Variants in FGF1 observed in about 807,000 individuals in gnomAD.
FGF1 encodes the protein beta-endothelial cell growth factor.
A neutral mutation model predicts 13.4 loss-of-function variants in FGF1; 9 were observed. That is an observed-to-expected ratio of 0.67 (90% CI 0.40 to 1.17). The LOEUF is 1.17. Among genes scored for constraint, FGF1 ranks in the 50% most tolerant of loss-of-function variants. The pLI, the probability that FGF1 is intolerant of heterozygous loss-of-function variation, is 0.01. For missense variants in FGF1, 156 were observed against 192.7 expected, an observed-to-expected ratio of 0.81 and a Z score of 1.13; for synonymous variants, 93 against 79.0, an observed-to-expected ratio of 1.18 and a Z score of -0.94.
intron 2 of FGF1, among the ~76,000 whole-genome samples, chr5:142,691,312 C>A (rs563198582): frequency 2.6e-5 from 4 of 151,994 alleles, no homozygotes; most frequent in African/African-American, 9.7e-5. Context: ...ACCCCAGCTA[C>A]TCAGGAGGCT....
intron 1 of FGF1, among the ~76,000 whole-genome samples, chr5:142,640,879 C>T (rs1460639248): frequency 6.6e-6 from 1 of 151,950 alleles, no homozygotes; most frequent in Non-Finnish European, 1.5e-5. Context: ...TTCAACTCCT[C>T]GAAGGCAGGG....
intron 1 of FGF1, among the ~76,000 whole-genome samples, chr5:142,620,684 GCAAA>G (rs1761399970): frequency 6.6e-6 from 1 of 152,138 alleles, no homozygotes; most frequent in South Asian, 2.1e-4. Context: ...AAATGATAGA[GCAAA>G]CAGACACCAA....
intron 1 of FGF1, among the ~76,000 whole-genome samples, chr5:142,637,821 A>G (rs1006395697): frequency 2.0e-5 from 3 of 152,012 alleles, no homozygotes; most frequent in Admixed American, 2.0e-4. Flanking sequence ...ACTGTAGTTT[A>G]TAACATCTAC....
At chr5:142,630,856 C>T (rs1763262932) in intron 1 of FGF1, among the ~76,000 whole-genome samples, 1 of 152,244 alleles carries the variant, frequency 6.6e-6, no homozygotes, top group Non-Finnish European at 1.5e-5. Context: ...TTCTCTTTTG[C>T]AGCCTCTTGT....
At position 142,604,731 on chromosome 5, in the gene FGF1, TG is replaced by T. The variant is rs376288589; in HGVS notation, c.170-3927del. Among the ~76,000 whole-genome samples the T allele has an allele frequency of 3.2e-3, 487 of 152,298 alleles. 3 individuals are homozygous for T. The highest frequency in any genetic ancestry group is 0.011 in the African/African-American group (445 of 41,548). On this transcript the variant is annotated intron_variant, in intron 2 of 3. Transcript: ENST00000337706. Reference sequence around the variant, plus strand: ...GAAGAGCTGAAGTTTGGTGAGAGTGTGTTTTATGCAATGTTATACTTCTAAG... The same window carrying T: ...GAAGAGCTGAAGTTTGGTGAGAGTGTTTTTATGCAATGTTATACTTCTAAG...
intron 2 of FGF1, among the ~76,000 whole-genome samples, chr5:142,604,385 G>C (rs1379791276): frequency 6.6e-6 from 1 of 152,126 alleles, no homozygotes; most frequent in Non-Finnish European, 1.5e-5. Flanking sequence ...AGAGATCAAA[G>C]GAAGGGGCTA....
upstream of FGF1, among the ~76,000 whole-genome samples, chr5:142,689,488 G>A (rs756889615): frequency 1.2e-4 from 19 of 152,118 alleles, no homozygotes; most frequent in Non-Finnish European, 5.9e-5. Context: ...GACAGAAGCT[G>A]AGTCCAATGA....
chr5:142,642,717 C>A (rs1207222975), intron 1 of FGF1, among the ~76,000 whole-genome samples: 1 of 152,208 alleles, frequency 6.6e-6, no homozygotes, highest in Non-Finnish European at 1.5e-5. Context: ...TGCTGCACAC[C>A]TGCCTGAGAG....
intron 1 of FGF1, among the ~76,000 whole-genome samples, chr5:142,662,235 T>C (rs1356138804): frequency 6.6e-6 from 1 of 152,206 alleles, no homozygotes; most frequent in Non-Finnish European, 1.5e-5. Context: ...CATTGAACTA[T>C]ACACTTTGAA....
At chr5:142,633,149 G>A in intron 1 of FGF1, among the ~76,000 whole-genome samples, 1 of 152,006 alleles carries the variant, frequency 6.6e-6, no homozygotes, top group East Asian at 1.9e-4. Flanking sequence ...TCAATCTCTT[G>A]ACCTCGTGAT....
At chr5:142,659,382 C>T (rs934762989) in intron 1 of FGF1, among the ~76,000 whole-genome samples, 29 of 152,160 alleles carry the variant, frequency 1.9e-4, no homozygotes, top group African/African-American at 6.7e-4. Flanking sequence ...GCACCCACCA[C>T]CACACCCAGC....
intron 1 of FGF1, among the ~76,000 whole-genome samples, chr5:142,632,673 T>C (rs762357986): frequency 2.0e-5 from 3 of 152,244 alleles, no homozygotes; most frequent in African/African-American, 7.2e-5. Flanking sequence ...GAATCATATA[T>C]AGTGAACTGT....
intron 1 of FGF1, among the ~76,000 whole-genome samples, chr5:142,655,735 C>T (rs1207702396): frequency 6.6e-6 from 1 of 152,180 alleles, no homozygotes; most frequent in East Asian, 1.9e-4. Flanking sequence ...GTTTCAGTGG[C>T]CACAGCAGAA....
At chr5:142,649,449 C>T (rs1423564851) in intron 1 of FGF1, among the ~76,000 whole-genome samples, 1 of 152,088 alleles carries the variant, frequency 6.6e-6, no homozygotes, top group Non-Finnish European at 1.5e-5. Flanking sequence ...CTTTGTCGCC[C>T]AGGCTGGAGT....
At chr5:142,632,842 A>G (rs888160115) in intron 1 of FGF1, among the ~76,000 whole-genome samples, 14 of 152,032 alleles carry the variant, frequency 9.2e-5, no homozygotes, top group African/African-American at 2.9e-4. Context: ...AATGGTTGTA[A>G]TGGTTGCACA....
At chr5:142,621,941 T>A (rs1387824427) in intron 1 of FGF1, among the ~76,000 whole-genome samples, 1 of 152,276 alleles carries the variant, frequency 6.6e-6, no homozygotes. Flanking sequence ...AAGCCTTTCC[T>A]GTCTTCCCTG....
At chr5:142,631,779 CTTTTTT>C (rs34929420) in intron 1 of FGF1, among the ~76,000 whole-genome samples, 6 of 92,922 alleles carry the variant, frequency 6.5e-5, no homozygotes, top group Non-Finnish European at 1.2e-4. Context: ...TTTAAATTAG[CTTTTTT>C]TTTTTTTTTT....
chr5:142,641,314 G>C (rs1317257609), intron 1 of FGF1, among the ~76,000 whole-genome samples: 1 of 152,066 alleles, frequency 6.6e-6, no homozygotes, highest in Non-Finnish European at 1.5e-5. Context: ...GATTTCTGCT[G>C]TCTGGTTAGC....
chr5:142,639,980 G>A (rs1309667530), intron 1 of FGF1, among the ~76,000 whole-genome samples: 1 of 151,944 alleles, frequency 6.6e-6, no homozygotes, highest in African/African-American at 2.4e-5. Context: ...GATGCATGCT[G>A]GCTCAAGTCT....
Sources: allele counts gnomAD v4.1 joint callset (sites outside exome capture counted in the v4.1 genomes callset), GRCh38; gene constraint gnomAD v4.1.1; transcripts MANE v1.5; gene names NCBI Gene and HGNC (gene_info 2026-07-23, HGNC 2026-07-21).